TTC23L: variants seen among roughly 807,000 people sequenced by gnomAD.
TTC23L encodes tetratricopeptide repeat protein 23-like.
TTC23L carries 42 observed loss-of-function variants against 48.1 expected under a neutral mutation model. The ratio of observed to expected loss-of-function variants is 0.87; its 90% CI spans 0.68 to 1.13. The LOEUF is 1.13. Among genes scored for constraint, TTC23L ranks in the 50% most tolerant of loss-of-function variants. TTC23L has a pLI of 0.00. For missense variants in TTC23L, 391 were observed against 421.0 expected (o/e 0.93, Z 0.62); for synonymous variants, 159 against 157.2 (o/e 1.01, Z -0.09).
At chr5:34,871,958 T>C in intron 8 of TTC23L, among the ~76,000 whole-genome samples, 1 of 152,148 alleles carries the variant, frequency 6.6e-6, no homozygotes, top group East Asian at 1.9e-4. Flanking sequence ...TTGTCCTAAC[T>C]GTAAGAGCTA....
Position 34,852,672 on chromosome 5 carries a change from A to C in TTC23L, c.379+2364A>C, listed in dbSNP as rs115465101. ...GAGTGGGAAGGACAGGGAAGAATTG[A>C]AGTTGAAGTAGGCATGACCTGGACA... On this transcript the variant is annotated intron_variant, in intron 4 of 10. Transcript: ENST00000505624. 8.5e-3 allele frequency among the ~76,000 whole-genome samples: 1,290 copies of C among 152,304 alleles called. 19 individuals carry two copies. The highest frequency in any genetic ancestry group is 0.03 in the African/African-American group (1,252 of 41,552).
At chr5:34,908,122 T>C in the TTC23L span, 1 of 150,774 alleles carries the variant, frequency 6.6e-6, no homozygotes, top group Non-Finnish European at 1.5e-5. Context: ...TAATAATAAA[T>C]AAATAAAAGA....
the TTC23L span, chr5:34,906,235 G>C: frequency 6.6e-6 from 1 of 152,076 alleles, no homozygotes. Flanking sequence ...GGGATTACAG[G>C]TGTGAGCCAC....
intron 8 of TTC23L, among the ~76,000 whole-genome samples, chr5:34,879,720 C>T (rs533421781): frequency 8.7e-4 from 132 of 151,984 alleles, no homozygotes; most frequent in African/African-American, 3.1e-3. Context: ...TTTTAGGGCT[C>T]GGTGCGGTGG....
At chr5:34,922,521 T>C in the TTC23L span, 1 of 1,563,884 alleles carries the variant, frequency 6.4e-7, no homozygotes, top group Non-Finnish European at 8.8e-7. Flanking sequence ...TTGAAAAAGC[T>C]TACTCCATAT....
At chr5:34,873,794 A>G (rs1387313442) in intron 8 of TTC23L, among the ~76,000 whole-genome samples, 2 of 152,112 alleles carry the variant, frequency 1.3e-5, no homozygotes, top group Admixed American at 6.5e-5. Flanking sequence ...ACCAAAGAAG[A>G]CTTGAAATGT....
chr5:34,915,696 G>T, the TTC23L span: 3 of 1,549,766 alleles, frequency 1.9e-6, no homozygotes, highest in Non-Finnish European at 2.6e-6. Flanking sequence ...GGAGCGAGCG[G>T]CAGCGCCGGA....
At chr5:34,911,516 C>T in the TTC23L span, 18 of 1,605,884 alleles carry the variant, frequency 1.1e-5, no homozygotes, top group African/African-American at 2.4e-4. Flanking sequence ...AGATGGAGTA[C>T]AGACCACATT....
chr5:34,911,924 A>G, the TTC23L span: 1 of 1,241,324 alleles, frequency 8.1e-7, no homozygotes, highest in Non-Finnish European at 1.1e-6. Context: ...CCAATTTCTC[A>G]CATATATGTA....
At chr5:34,857,488 CG>C (rs529084762) in intron 4 of TTC23L, among the ~76,000 whole-genome samples, 75 of 152,206 alleles carry the variant, frequency 4.9e-4, no homozygotes, top group Non-Finnish European at 9.1e-4. Flanking sequence ...TGATAAAAAC[CG>C]GGTAATCTGA....
At chr5:34,840,242 G>GGGA (rs1554016507) in intron 1 of TTC23L, among the ~76,000 whole-genome samples, 2 of 143,082 alleles carry the variant, frequency 1.4e-5, no homozygotes, top group African/African-American at 5.2e-5. Context: ...GACCCCGGGG[G>GGGA]GGGGGGGGAA....
At chr5:34,887,975 C>T (rs1010929181) in intron 9 of TTC23L, among the ~76,000 whole-genome samples, 1 of 152,186 alleles carries the variant, frequency 6.6e-6, no homozygotes, top group Admixed American at 6.5e-5. Flanking sequence ...AGATGGAATG[C>T]TTGTGTCCCT....
At chr5:34,909,503 C>T in the TTC23L span, 2 of 531,708 alleles carry the variant, frequency 3.8e-6, no homozygotes, top group Non-Finnish European at 6.7e-6. Flanking sequence ...ATAACAAGTA[C>T]CATAATAAAG....
intron 9 of TTC23L, 33 bp downstream of exon 9, chr5:34,880,341 AGTTT>A (rs1580472080): frequency 1.9e-6 from 3 of 1,581,538 alleles, no homozygotes; most frequent in South Asian, 1.2e-5. Flanking sequence ...CAGAATTGCT[AGTTT>A]GTTTATTAGA....
Position 34,872,303 on chromosome 5 carries a change from A to G in TTC23L, c.949+3290A>G, listed in dbSNP as rs367993. Among the ~76,000 whole-genome samples, 1,153 of 152,316 alleles carry G rather than the reference A, an allele frequency of 7.6e-3. 9 individuals are homozygous for G. The highest frequency in any genetic ancestry group is 0.012 in the Non-Finnish European group (787 of 68,036). On this transcript the variant is annotated intron_variant, in intron 8 of 10. Transcript: ENST00000505624. ...CCCTGTCTCTAAAAATAATAAGACC[A>G]AAATTCATGTGGAAAATAAGTTTAA...
chr5:34,862,912 G>C, exon 5 of TTC23L: 1 of 1,613,898 alleles, frequency 6.2e-7, no homozygotes. Flanking sequence ...CCCAGTTCAG[G>C]CCAAGAAACA....
chr5:34,842,726 G>A (rs768053008), intron 2 of TTC23L, among the ~76,000 whole-genome samples: 2 of 152,106 alleles, frequency 1.3e-5, no homozygotes, highest in East Asian at 1.9e-4. Context: ...ACCCTCTGTC[G>A]GCAGGAGCAC....
intron 9 of TTC23L, among the ~76,000 whole-genome samples, chr5:34,881,722 AC>A (rs1287047426): frequency 6.6e-6 from 1 of 151,302 alleles, no homozygotes; most frequent in Non-Finnish European, 1.5e-5. Context: ...ATGATTTGCA[AC>A]CTTTTTTCTG....
intron 4 of TTC23L, among the ~76,000 whole-genome samples, chr5:34,860,462 C>A (rs1412329287): frequency 6.6e-6 from 1 of 152,164 alleles, no homozygotes; most frequent in Non-Finnish European, 1.5e-5. Flanking sequence ...AATGGGAATC[C>A]TTGGTTACCA....
Sources: allele counts gnomAD v4.1 joint callset (sites outside exome capture counted in the v4.1 genomes callset), GRCh38; gene constraint gnomAD v4.1.1; transcripts MANE v1.5; gene names NCBI Gene and HGNC (gene_info 2026-07-23, HGNC 2026-07-21).